The following LRRC37A2 variants were observed in gnomAD, a reference collection of about 807,000 sequenced individuals.
LRRC37A2 encodes the protein leucine-rich repeat-containing protein 37A2.
In LRRC37A2, 9 loss-of-function variants were observed where a neutral mutation model predicts 68.8. That is an observed-to-expected ratio of 0.13 (90% confidence interval 0.08 to 0.23). The LOEUF (loss-of-function observed/expected upper bound fraction) is 0.23. Ranked by LOEUF, LRRC37A2 falls within the 10% of genes least tolerant of loss-of-function variation. The pLI is 1.00. For synonymous variants in LRRC37A2, 63 were observed against 367.6 expected (o/e 0.17, Z 9.48); for missense variants, 168 against 950.4 (o/e 0.18, Z 10.82).
chr17:46,873,913 C>G, the LRRC37A2 span, among the ~76,000 whole-genome samples: 2 of 150,640 alleles, frequency 1.3e-5, no homozygotes, highest in East Asian at 3.9e-4. Flanking sequence ...TGCTTGAACC[C>G]GGGAGGTGGA....
At chr17:46,953,198 T>TC in the LRRC37A2 span, among the ~76,000 whole-genome samples, 1 of 146,148 alleles carries the variant, frequency 6.8e-6, no homozygotes, top group Non-Finnish European at 1.5e-5. Context: ...CCCTCCCCAC[T>TC]CCCCCCACCC....
At chr17:46,940,096 T>A in the LRRC37A2 span, 1 of 1,150,482 alleles carries the variant, frequency 8.7e-7, no homozygotes, top group Non-Finnish European at 1.1e-6. Flanking sequence ...TTATTTCCCT[T>A]CCTTTCTGTG....
chr17:46,948,943 C>G, the LRRC37A2 span: 7 of 152,226 alleles, frequency 4.6e-5, no homozygotes, highest in African/African-American at 1.2e-4. Context: ...CTTTCGATAG[C>G]TACGAACTGA....
the LRRC37A2 span, among the ~76,000 whole-genome samples, chr17:46,908,403 C>T: frequency 6.6e-6 from 1 of 152,162 alleles, no homozygotes; most frequent in African/African-American, 2.4e-5. Flanking sequence ...CAGCTTGTCT[C>T]CTGGAGGCGC....
chr17:47,007,614 C>T, the LRRC37A2 span, among the ~76,000 whole-genome samples: 1 of 152,176 alleles, frequency 6.6e-6, no homozygotes, highest in Non-Finnish European at 1.5e-5. Flanking sequence ...TCAAATGAAT[C>T]TTTGGCCAAT....
At chr17:46,793,124 AT>A in the LRRC37A2 span, among the ~76,000 whole-genome samples, 1 of 125,796 alleles carries the variant, frequency 7.9e-6, no homozygotes, top group South Asian at 2.8e-4. Context: ...AAAAAAAAAA[AT>A]TAGCTGGGCA....
At chr17:46,774,284 C>G in the LRRC37A2 span, among the ~76,000 whole-genome samples, 4 of 152,270 alleles carry the variant, frequency 2.6e-5, no homozygotes, top group African/African-American at 9.6e-5. Flanking sequence ...AGAGATCAGG[C>G]TGGGCAATTT....
At chr17:46,966,762 G>T in the LRRC37A2 span, 3 of 478,916 alleles carry the variant, frequency 6.3e-6, no homozygotes, top group South Asian at 8.5e-5. Flanking sequence ...AAGTGGAGAT[G>T]ACAATAGCAC....
the LRRC37A2 span, among the ~76,000 whole-genome samples, chr17:46,845,877 G>A: frequency 1.2e-4 from 17 of 139,746 alleles, no homozygotes; most frequent in Non-Finnish European, 2.3e-4. Context: ...TGCAAACTCC[G>A]CCTCCTGAGT....
At chr17:46,961,899 G>A in the LRRC37A2 span, among the ~76,000 whole-genome samples, 1 of 152,180 alleles carries the variant, frequency 6.6e-6, no homozygotes, top group South Asian at 2.1e-4. Flanking sequence ...CTACCCTAGG[G>A]GATTATAGTT....
chr17:46,926,876 C>T, the LRRC37A2 span, among the ~76,000 whole-genome samples: 1 of 152,218 alleles, frequency 6.6e-6, no homozygotes, highest in Non-Finnish European at 1.5e-5. Context: ...AACGTCCTGC[C>T]ATGTACATCT....
the LRRC37A2 span, among the ~76,000 whole-genome samples, chr17:47,022,166 C>CTTTTTTTTTTTTTTTTTTTTTTTTT: frequency 6.9e-4 from 11 of 15,856 alleles, 5 homozygotes; most frequent in Admixed American, 4.8e-3. Context: ...CCTTTTTGTT[C>CTTTTTTTTTTTTTTTTTTTTTTTTT]TCTTTTTTTT....
the LRRC37A2 span, among the ~76,000 whole-genome samples, chr17:46,981,666 A>T: frequency 8.6e-5 from 13 of 152,000 alleles, no homozygotes; most frequent in African/African-American, 2.7e-4. Context: ...AACATTAAGC[A>T]TGTGTGTATA....
chr17:47,010,673 G>C, the LRRC37A2 span: 1 of 152,274 alleles, frequency 6.6e-6, no homozygotes, highest in African/African-American at 2.4e-5. Context: ...AGGTGGCGAG[G>C]AACAGGAGGC....
At chr17:46,806,947 C>T in the LRRC37A2 span, among the ~76,000 whole-genome samples, 1 of 152,202 alleles carries the variant, frequency 6.6e-6, no homozygotes, top group African/African-American at 2.4e-5. Context: ...ACTCCGTCAC[C>T]TGTGGAATGG....
the LRRC37A2 span, among the ~76,000 whole-genome samples, chr17:46,800,661 G>A: frequency 6.6e-6 from 1 of 152,204 alleles, no homozygotes; most frequent in African/African-American, 2.4e-5. Context: ...CAAGAGTCTG[G>A]GACCAGCAGG....
the LRRC37A2 span, among the ~76,000 whole-genome samples, chr17:46,887,000 A>T: frequency 6.6e-6 from 1 of 152,158 alleles, no homozygotes; most frequent in Non-Finnish European, 1.5e-5. Context: ...TGTTTTTAGT[A>T]GAGACGGGGT....
At chr17:46,867,873 C>G in the LRRC37A2 span, among the ~76,000 whole-genome samples, 1 of 151,976 alleles carries the variant, frequency 6.6e-6, no homozygotes, top group Non-Finnish European at 1.5e-5. Context: ...GGGGTCCAAG[C>G]CAGAGGTCAT....
chr17:46,959,331 T>C, the LRRC37A2 span, among the ~76,000 whole-genome samples: 1 of 152,196 alleles, frequency 6.6e-6, no homozygotes, highest in Non-Finnish European at 1.5e-5. Flanking sequence ...GTAACATAAA[T>C]CCAACCCCGT....
Sources: allele counts gnomAD v4.1 joint callset (sites outside exome capture counted in the v4.1 genomes callset), GRCh38; gene constraint gnomAD v4.1.1; transcripts MANE v1.5; gene names NCBI Gene and HGNC (gene_info 2026-07-23, HGNC 2026-07-21).